CCNYL1: variants seen among roughly 807,000 people sequenced by gnomAD.
The protein encoded by CCNYL1 is cyclin-Y-like protein 1.
Under a neutral mutation model 44.2 loss-of-function variants are expected in CCNYL1, and 16 were observed. The ratio of observed to expected loss-of-function variants is 0.36; its 90% CI spans 0.25 to 0.55. CCNYL1 has a LOEUF of 0.55. Ranked by LOEUF, CCNYL1 falls within the 20% of genes least tolerant of loss-of-function variation. CCNYL1 has a pLI of 0.85. For synonymous variants in CCNYL1, 159 were observed against 163.2 expected (o/e 0.97, Z 0.20); for missense variants, 348 against 451.8 (o/e 0.77, Z 2.08).
intron 1 of CCNYL1, among the ~76,000 whole-genome samples, chr2:207,721,738 T>G (rs947371896): frequency 6.6e-6 from 1 of 152,024 alleles, no homozygotes; most frequent in Non-Finnish European, 1.5e-5. Flanking sequence ...TTTTTTGTTT[T>G]TTTTTTTTTT....
chr2:207,718,118 A>G lies in CCNYL1; in HGVS notation c.220+6002A>G, dbSNP rs141620782. The stretch of plus-strand genomic sequence containing the variant: ...ATGGGGTTTCTCCGTGTTAGCCAGG[A>G]TGGTCTCGATCTCCCAACCTCGTGA... On this transcript the variant is annotated intron_variant, in intron 1 of 9. Transcript: ENST00000295414. 2.0e-5 allele frequency among the ~76,000 whole-genome samples: 3 copies of G among 151,994 alleles called. No homozygotes were observed. In the East Asian group the frequency reaches 5.8e-4, roughly 29 times the overall value.
At chr2:207,712,610 A>G (rs1382179092) in intron 1 of CCNYL1, among the ~76,000 whole-genome samples, 1 of 151,986 alleles carries the variant, frequency 6.6e-6, no homozygotes, top group Non-Finnish European at 1.5e-5. Flanking sequence ...GACAGTTTAG[A>G]CCCAGATGTT....
intron 1 of CCNYL1, among the ~76,000 whole-genome samples, chr2:207,718,926 T>C (rs536225261): frequency 3.3e-5 from 5 of 152,018 alleles, no homozygotes; most frequent in African/African-American, 1.2e-4. Context: ...TAGTAAGAAA[T>C]TGGTAAAATA....
intron 2 of CCNYL1, among the ~76,000 whole-genome samples, chr2:207,725,621 A>G (rs1237545851): frequency 6.6e-6 from 1 of 152,248 alleles, no homozygotes; most frequent in East Asian, 1.9e-4. Context: ...ACATGAGCCT[A>G]TCACATTCAA....
intron 1 of CCNYL1, among the ~76,000 whole-genome samples, chr2:207,715,088 T>C (rs758782588): frequency 4.6e-4 from 70 of 152,118 alleles, no homozygotes; most frequent in Non-Finnish European, 7.9e-4. Flanking sequence ...GCCAACATGG[T>C]GAAACCCCGT....
At chr2:207,712,209 C>A in intron 1 of CCNYL1, 93 bp downstream of exon 1, 1 of 1,088,432 alleles carries the variant, frequency 9.2e-7, no homozygotes, top group Non-Finnish European at 1.3e-6. Context: ...GCCTCGGGCT[C>A]CTTCCTGCCG....
At chr2:207,719,310 T>TC (rs1050926613) in intron 1 of CCNYL1, among the ~76,000 whole-genome samples, 2 of 151,190 alleles carry the variant, frequency 1.3e-5, no homozygotes, top group Admixed American at 6.6e-5. Flanking sequence ...TGCTTTTTTT[T>TC]TTTTTTTTGA....
At position 207,733,523 on chromosome 2, in the gene CCNYL1, G is replaced by C. The variant is rs142797561; in HGVS notation, c.331-424G>C. Among the ~76,000 whole-genome samples the C allele has an allele frequency of 5.4e-3, 819 of 152,282 alleles. 6 individuals are homozygous for C. Among genetic ancestry groups the C allele is most frequent in the African/African-American group, 0.019 (784 of 41,558 alleles). On this transcript the variant is annotated intron_variant, in intron 3 of 9. Coordinates refer to ENST00000295414, the MANE Select transcript of CCNYL1 (RefSeq NM_001330218.2). ...TAATATTAGTAACTTAGTAAATGTA[G>C]TATTAGGCTTTCATTTACTTCAATA...
rs77473594 is a variant in CCNYL1, at chr2:207,735,399, C to T, written c.431+1352C>T. On this transcript the variant is annotated intron_variant, in intron 4 of 9. Coordinates refer to ENST00000295414, the MANE Select transcript of CCNYL1 (RefSeq NM_001330218.2). ...TATATGTCCACAAACAAATTCATCT[C>T]ACCTCCACCTTCCCTTGATCTCTAG... 4.0e-3 allele frequency among the ~76,000 whole-genome samples: 610 copies of T among 152,310 alleles called. 12 individuals are homozygous for T. In the East Asian group the frequency reaches 0.046, roughly 11 times the overall value.
At chr2:207,734,285 G>A (rs1357583966) in intron 4 of CCNYL1, among the ~76,000 whole-genome samples, 1 of 152,254 alleles carries the variant, frequency 6.6e-6, no homozygotes, top group Non-Finnish European at 1.5e-5. Context: ...CCAGAAAAGT[G>A]TAGCTATTTA....
At chr2:207,738,905 A>G (rs2091786419) in intron 5 of CCNYL1, among the ~76,000 whole-genome samples, 1 of 151,904 alleles carries the variant, frequency 6.6e-6, no homozygotes, top group Non-Finnish European at 1.5e-5. Context: ...TTTTTAGTAG[A>G]GACAGTGTTT....
intron 5 of CCNYL1, among the ~76,000 whole-genome samples, chr2:207,737,668 G>A (rs2091775839): frequency 6.6e-6 from 1 of 150,738 alleles, no homozygotes; most frequent in African/African-American, 2.5e-5. Context: ...GATATTTATT[G>A]CATTAGAAAT....
At chr2:207,738,124 TAAG>T (rs977463170) in intron 5 of CCNYL1, among the ~76,000 whole-genome samples, 4 of 152,220 alleles carry the variant, frequency 2.6e-5, no homozygotes, top group South Asian at 2.1e-4. Context: ...GAAGAAGTGA[TAAG>T]AAGATGACCT....
rs777027202 is a variant in CCNYL1, at chr2:207,755,020, C to T, written c.*1322C>T. 1 of 151,790 alleles carries T rather than the reference C, an allele frequency of 6.6e-6. No homozygotes were observed. The highest frequency in any genetic ancestry group is 1.5e-5 in the Non-Finnish European group (1 of 67,992). The allele number at this position is 151,790 out of a possible 1,614,324, so 9.4% of individuals were successfully genotyped here. ...ACCATGATGGTGCCTATAGGAATAG[C>T]TACTACACTCCAACCTGGACAACGT... On this transcript the variant is annotated 3_prime_UTR_variant, in exon 10 of 10. Coordinates refer to ENST00000295414, the MANE Select transcript of CCNYL1 (RefSeq NM_001330218.2).
Position 207,747,141 on chromosome 2 carries a change from A to G in CCNYL1, c.734A>G (p.Lys245Arg). The G allele has an allele frequency of 6.2e-7, 1 of 1,614,120 alleles. No individual in the cohort carries two copies. Among genetic ancestry groups the G allele is most frequent in the Non-Finnish European group, 8.5e-7 (1 of 1,180,006 alleles). The change falls in exon 8 of 10, where the codon AAG (lysine) becomes AGG (arginine). Residue 245 changes from lysine (K) to arginine (R), a missense_variant. Transcript: ENST00000295414. ...IVLGAILLAS[K>R]VWDDQAVWNV... The stretch of plus-strand genomic sequence containing the variant: ...CTGGGAGCCATTCTTCTTGCCTCCA[A>G]GGTTTGGGACGATCAGGCTGTATGG...
At chr2:207,734,097 A>T in intron 4 of CCNYL1, 50 bp downstream of exon 4, 4 of 1,140,008 alleles carry the variant, frequency 3.5e-6, no homozygotes, top group Non-Finnish European at 5.3e-6. Context: ...CCCTTATGCT[A>T]AAAGCATCCT....
chr2:207,712,845 T>C (rs1400946272), intron 1 of CCNYL1, among the ~76,000 whole-genome samples: 2 of 152,150 alleles, frequency 1.3e-5, no homozygotes, highest in Non-Finnish European at 2.9e-5. Context: ...GGAATCTCGT[T>C]TTGTCGCCCG....
At chr2:207,720,338 TTAAAA>T (rs1230565665) in intron 1 of CCNYL1, among the ~76,000 whole-genome samples, 1 of 151,860 alleles carries the variant, frequency 6.6e-6, no homozygotes, top group Non-Finnish European at 1.5e-5. Context: ...AGCTTTAGAG[TTAAAA>T]TAATAACATT....
intron 1 of CCNYL1, among the ~76,000 whole-genome samples, chr2:207,722,830 G>A (rs557897446): frequency 6.8e-4 from 104 of 152,118 alleles, no homozygotes; most frequent in Non-Finnish European, 9.3e-4. Context: ...ATGGTGATGC[G>A]TGCCTGTAGT....
Sources: allele counts gnomAD v4.1 joint callset (sites outside exome capture counted in the v4.1 genomes callset), GRCh38; gene constraint gnomAD v4.1.1; transcripts MANE v1.5; gene names NCBI Gene and HGNC (gene_info 2026-07-23, HGNC 2026-07-21).